SAMD12: variants seen among roughly 807,000 people sequenced by gnomAD.
SAMD12 encodes the protein sterile alpha motif domain-containing protein 12.
Under a neutral mutation model 15.0 loss-of-function variants are expected in SAMD12, and 9 were observed. That is an observed-to-expected ratio of 0.60 (90% CI 0.36 to 1.05). The LOEUF is 1.05. Ranked by LOEUF, SAMD12 falls within the 50% of genes least tolerant of loss-of-function variation. SAMD12 has a pLI of 0.01. For missense variants in SAMD12, 230 were observed against 234.2 expected (o/e 0.98, Z 0.12); for synonymous variants, 86 against 90.1 (o/e 0.96, Z 0.25).
At chr8:118,442,737 T>G (rs545450780) in intron 2 of SAMD12, among the ~76,000 whole-genome samples, 3 of 152,304 alleles carry the variant, frequency 2.0e-5, no homozygotes, top group South Asian at 4.1e-4. Context: ...AATGAGTTTA[T>G]AGCTGACACA....
chr8:118,497,194 T>C (rs556749169), intron 2 of SAMD12, among the ~76,000 whole-genome samples: 1 of 152,296 alleles, frequency 6.6e-6, no homozygotes, highest in South Asian at 2.1e-4. Flanking sequence ...AGAACTACCA[T>C]TGGACCCAGC....
chr8:118,133,828 TTGTC>T, the SAMD12 span, among the ~76,000 whole-genome samples: 2,051 of 152,310 alleles, frequency 0.013, 19 homozygotes, highest in South Asian at 0.021. Flanking sequence ...TATGGAATGA[TTGTC>T]TGCCCATAAA....
At chr8:118,450,974 C>T (rs902703713) in intron 2 of SAMD12, among the ~76,000 whole-genome samples, 1 of 152,072 alleles carries the variant, frequency 6.6e-6, no homozygotes, top group African/African-American at 2.4e-5. Context: ...ACATCATGTT[C>T]GATATCATTC....
At chr8:118,326,881 A>G (rs1178427602) in intron 4 of SAMD12, among the ~76,000 whole-genome samples, 1 of 152,228 alleles carries the variant, frequency 6.6e-6, no homozygotes, top group East Asian at 1.9e-4. Flanking sequence ...GCAGCAGAAT[A>G]TAAATGCTTA....
At chr8:118,409,275 C>T (rs531173040) in intron 3 of SAMD12, among the ~76,000 whole-genome samples, 5 of 152,054 alleles carry the variant, frequency 3.3e-5, no homozygotes, top group Admixed American at 1.3e-4. Context: ...AGATCATTGA[C>T]GAGATGAGTT....
chr8:118,604,496 C>T (rs1038602525), intron 1 of SAMD12, among the ~76,000 whole-genome samples: 1 of 152,054 alleles, frequency 6.6e-6, no homozygotes, highest in African/African-American at 2.4e-5. Flanking sequence ...GAACAGCCTC[C>T]ACAGTACACC....
At chr8:118,137,395 G>A in the SAMD12 span, among the ~76,000 whole-genome samples, 1 of 152,150 alleles carries the variant, frequency 6.6e-6, no homozygotes, top group Non-Finnish European at 1.5e-5. Context: ...TTGGGGGTGG[G>A]GGGCTTTGCA....
At chr8:118,154,909 C>A in the SAMD12 span, among the ~76,000 whole-genome samples, 1 of 152,066 alleles carries the variant, frequency 6.6e-6, no homozygotes, top group African/African-American at 2.4e-5. Context: ...TAGCAAGGGA[C>A]CAGTTTGGGG....
rs185518329 is a variant in SAMD12, at chr8:118,247,073, C to T, written c.434-49341G>A. On this transcript the variant is annotated intron_variant, in intron 4 of 4. Transcript: ENST00000409003. ...AGATTACAGGAAGCAAGACTGGAGG[C>T]AGGCTTTAAAAAGTAGGACATTGTC... 2.6e-5 allele frequency among the ~76,000 whole-genome samples: 4 copies of T among 152,166 alleles called. No homozygotes were observed. The East Asian group carries it at 7.7e-4, about 29-fold the overall frequency.
intron 4 of SAMD12, among the ~76,000 whole-genome samples, chr8:118,254,480 T>TC (rs1160862321): frequency 6.6e-6 from 1 of 152,160 alleles, no homozygotes; most frequent in East Asian, 1.9e-4. Flanking sequence ...ATCTCCTGTG[T>TC]CATCATCCAT....
chr8:118,242,838 C>T (rs751830693), intron 4 of SAMD12, among the ~76,000 whole-genome samples: 8 of 152,114 alleles, frequency 5.3e-5, no homozygotes, highest in South Asian at 4.1e-4. Flanking sequence ...AGAAAATGCA[C>T]ATTAAAACAG....
intron 4 of SAMD12, among the ~76,000 whole-genome samples, chr8:118,329,735 C>T (rs1290161813): frequency 1.3e-5 from 2 of 152,128 alleles, no homozygotes; most frequent in Non-Finnish European, 2.9e-5. Context: ...TTTTGCTCAA[C>T]TTTCTTTTTC....
chr8:118,311,469 A>G (rs1400116272), intron 4 of SAMD12, among the ~76,000 whole-genome samples: 3 of 152,220 alleles, frequency 2.0e-5, no homozygotes, highest in Non-Finnish European at 2.9e-5. Context: ...AGCACGAAAC[A>G]CTTACTATCT....
intron 3 of SAMD12, among the ~76,000 whole-genome samples, chr8:118,439,298 A>C (rs1822664114): frequency 6.6e-6 from 1 of 152,224 alleles, no homozygotes; most frequent in Non-Finnish European, 1.5e-5. Flanking sequence ...TGCTAGGTGC[A>C]GATACAAGAA....
chr8:118,250,502 GA>G (rs1423566735), intron 4 of SAMD12, among the ~76,000 whole-genome samples: 1 of 147,456 alleles, frequency 6.8e-6, no homozygotes, highest in African/African-American at 2.6e-5. Context: ...GGCAAAAATG[GA>G]TTTTTTTTTT....
At chr8:118,226,983 G>A (rs1812202730) in intron 4 of SAMD12, among the ~76,000 whole-genome samples, 1 of 152,078 alleles carries the variant, frequency 6.6e-6, no homozygotes, top group African/African-American at 2.4e-5. Context: ...AGGCTTTCAG[G>A]GCTACTATTC....
At chr8:118,324,167 C>T (rs895725927) in intron 4 of SAMD12, among the ~76,000 whole-genome samples, 5 of 151,960 alleles carry the variant, frequency 3.3e-5, no homozygotes, top group Admixed American at 1.3e-4. Context: ...AATCTGTATT[C>T]GGTAAGGAAG....
At chr8:118,464,988 T>C (rs940530071) in intron 2 of SAMD12, among the ~76,000 whole-genome samples, 2 of 152,196 alleles carry the variant, frequency 1.3e-5, no homozygotes, top group African/African-American at 4.8e-5. Flanking sequence ...GCAGAGGCAA[T>C]GTGCATGGTT....
rs563253938 is a variant in SAMD12, at chr8:118,322,638, C to T, written c.433+56922G>A. On this transcript the variant is annotated intron_variant, in intron 4 of 4. Transcript: ENST00000409003. ...TAAAGCTAGACCTGAATATAAAATC[C>T]TGGGCTGTGGTATAACAGTTCACAT... is the stretch of plus-strand genomic sequence containing the variant. 2.0e-5 allele frequency among the ~76,000 whole-genome samples: 3 copies of T among 152,280 alleles called. No individual in the cohort carries two copies. The East Asian group carries it at 5.8e-4, about 29-fold the overall frequency.
Sources: gnomAD v4.1 joint callset for allele counts (sites outside exome capture counted in the v4.1 genomes callset) on GRCh38, gnomAD v4.1.1 for gene constraint, MANE v1.5 for transcripts, NCBI Gene and HGNC (gene_info 2026-07-23, HGNC 2026-07-21) for gene names.